SYNPR: variants seen among roughly 807,000 people sequenced by gnomAD.
SYNPR encodes the protein synaptoporin.
Under a neutral mutation model 32.9 loss-of-function variants are expected in SYNPR, and 23 were observed. The ratio of observed to expected loss-of-function variants is 0.70; its 90% CI spans 0.50 to 0.99. SYNPR has a LOEUF of 0.99. Among genes scored for constraint, SYNPR ranks in the 50% least tolerant of loss-of-function variants. The pLI is 0.00. For synonymous variants in SYNPR, 146 were observed against 135.9 expected (o/e 1.07, Z -0.52); for missense variants, 318 against 349.3 (o/e 0.91, Z 0.71).
chr3:63,283,546 G>A (rs6785133), intron 2 of SYNPR, among the ~76,000 whole-genome samples: 96,067 of 150,460 alleles, frequency 0.64, 31,224 homozygotes, highest in South Asian at 0.72. Flanking sequence ...ATGGCAAAAT[G>A]TATATATTAA....
chr3:63,302,770 A>T (rs967147876), intron 2 of SYNPR, among the ~76,000 whole-genome samples: 6 of 151,966 alleles, frequency 3.9e-5, no homozygotes, highest in Non-Finnish European at 8.8e-5. Context: ...GGATAATAAT[A>T]AACTTAGAAA....
At chr3:63,370,597 A>G (rs935117841) in intron 2 of SYNPR, among the ~76,000 whole-genome samples, 1 of 152,198 alleles carries the variant, frequency 6.6e-6, no homozygotes, top group African/African-American at 2.4e-5. Flanking sequence ...CAAATACCAC[A>G]TGGCCTTTTG....
At chr3:63,510,576 G>A (rs1383412730) in intron 3 of SYNPR, among the ~76,000 whole-genome samples, 1 of 152,144 alleles carries the variant, frequency 6.6e-6, no homozygotes, top group Admixed American at 6.5e-5. Context: ...TTTTTGACAT[G>A]AGGCCATAAA....
chr3:63,344,830 G>C (rs980051029), intron 2 of SYNPR, among the ~76,000 whole-genome samples: 10 of 152,088 alleles, frequency 6.6e-5, no homozygotes, highest in African/African-American at 2.4e-4. Flanking sequence ...GGGGGCTGGT[G>C]AATGGGGGGA....
At chr3:63,455,690 T>A (rs780689351) in intron 2 of SYNPR, among the ~76,000 whole-genome samples, 3 of 151,730 alleles carry the variant, frequency 2.0e-5, no homozygotes, top group Non-Finnish European at 4.4e-5. Context: ...GATTATTAGT[T>A]AAATAAGCCT....
chr3:63,208,055 ACAC>A, the SYNPR span, among the ~76,000 whole-genome samples: 1 of 152,084 alleles, frequency 6.6e-6, no homozygotes, highest in Non-Finnish European at 1.5e-5. Flanking sequence ...AAACACACAC[ACAC>A]ACACACACTC....
intron 3 of SYNPR, among the ~76,000 whole-genome samples, chr3:63,529,143 T>A (rs1014395653): frequency 1.3e-5 from 2 of 152,186 alleles, no homozygotes; most frequent in Non-Finnish European, 2.9e-5. Flanking sequence ...AGGAAGACAG[T>A]CATTCTTCAG....
chr3:63,218,701 T>C, the SYNPR span, among the ~76,000 whole-genome samples: 1 of 152,148 alleles, frequency 6.6e-6, no homozygotes, highest in Non-Finnish European at 1.5e-5. Context: ...GTGTGTGCCT[T>C]CTGCCTGAAA....
intron 3 of SYNPR, among the ~76,000 whole-genome samples, chr3:63,487,734 T>C (rs990929804): frequency 1.3e-5 from 2 of 152,188 alleles, no homozygotes; most frequent in Non-Finnish European, 2.9e-5. Flanking sequence ...ATTTAACTAA[T>C]GGGAGAATGA....
intron 1 of SYNPR, among the ~76,000 whole-genome samples, chr3:63,230,075 G>A (rs954042636): frequency 6.6e-6 from 1 of 152,040 alleles, no homozygotes; most frequent in Non-Finnish European, 1.5e-5. Context: ...AAATTTTAAT[G>A]TTTTTCTTTC....
intron 2 of SYNPR, among the ~76,000 whole-genome samples, chr3:63,478,671 G>A (rs902179220): frequency 6.6e-6 from 1 of 152,086 alleles, no homozygotes; most frequent in Non-Finnish European, 1.5e-5. Context: ...ATTGGAAGAG[G>A]GTAGCATGTA....
chr3:63,604,495 C>T (rs1700090018), intron 4 of SYNPR, among the ~76,000 whole-genome samples: 1 of 152,048 alleles, frequency 6.6e-6, no homozygotes, highest in South Asian at 2.1e-4. Flanking sequence ...TATAAACTTC[C>T]CTCTTAACAC....
chr3:63,287,665 G>C (rs1249818183), intron 2 of SYNPR, among the ~76,000 whole-genome samples: 1 of 152,104 alleles, frequency 6.6e-6, no homozygotes, highest in Admixed American at 6.6e-5. Context: ...AGAAGAAGGA[G>C]GGAAGAAAGG....
intron 2 of SYNPR, among the ~76,000 whole-genome samples, chr3:63,299,348 C>T (rs1455886435): frequency 1.3e-5 from 2 of 152,150 alleles, no homozygotes; most frequent in Non-Finnish European, 2.9e-5. Flanking sequence ...TCTGCCCAAT[C>T]TCTCTGACTC....
chr3:63,592,508 G>A (rs147941367), intron 4 of SYNPR, among the ~76,000 whole-genome samples: 3,051 of 152,110 alleles, frequency 0.02, 119 homozygotes, highest in African/African-American at 0.069. Flanking sequence ...TGAATTAAAA[G>A]GGCAAGGGAG....
At chr3:63,441,453 C>T (rs1290130913) in intron 2 of SYNPR, among the ~76,000 whole-genome samples, 1 of 152,202 alleles carries the variant, frequency 6.6e-6, no homozygotes, top group African/African-American at 2.4e-5. Flanking sequence ...TCTGACTCTG[C>T]CCCTTATCAG....
At chr3:63,504,846 T>C (rs1040900459) in intron 3 of SYNPR, among the ~76,000 whole-genome samples, 1 of 152,088 alleles carries the variant, frequency 6.6e-6, no homozygotes, top group Non-Finnish European at 1.5e-5. Context: ...GTCAGACTTA[T>C]TACCCTTAAA....
At chr3:63,546,578 A>T (rs1483142691) in intron 3 of SYNPR, among the ~76,000 whole-genome samples, 1 of 152,050 alleles carries the variant, frequency 6.6e-6, no homozygotes, top group African/African-American at 2.4e-5. Flanking sequence ...TGTTTGCAGT[A>T]ATCTTGATTG....
chr3:63,493,053 A>G lies in SYNPR; in HGVS notation c.209+12097A>G, dbSNP rs190150616. Among the ~76,000 whole-genome samples, 5 of 152,104 alleles carry G rather than the reference A, an allele frequency of 3.3e-5. No homozygotes were observed. In the East Asian group the frequency reaches 7.8e-4, roughly 24 times the overall value. ...TTAACCACCCTCTCTGCTTCCTTCTATTCCTGAAAGAAAGAAATGTTAGGA... is the reference window on the plus strand; with the variant it reads ...TTAACCACCCTCTCTGCTTCCTTCTGTTCCTGAAAGAAAGAAATGTTAGGA... On this transcript the variant is annotated intron_variant, in intron 3 of 5. Transcript: ENST00000478300.
Sources: gnomAD v4.1 joint callset for allele counts (sites outside exome capture counted in the v4.1 genomes callset) on GRCh38, gnomAD v4.1.1 for gene constraint, MANE v1.5 for transcripts, NCBI Gene and HGNC (gene_info 2026-07-23, HGNC 2026-07-21) for gene names.